The following GRM4 variants were observed in gnomAD, a reference collection of about 807,000 sequenced individuals.
GRM4 encodes metabotropic glutamate receptor 4.
Under a neutral mutation model 81.7 loss-of-function variants are expected in GRM4, and 28 were observed. That is an observed-to-expected ratio of 0.34 (90% CI 0.25 to 0.47). GRM4 has a LOEUF of 0.47. Among genes scored for constraint, GRM4 ranks in the 20% least tolerant of loss-of-function variants. The pLI is 1.00. For synonymous variants in GRM4, 488 were observed against 528.8 expected, an observed-to-expected ratio of 0.92 and a Z score of 1.06; for missense variants, 948 against 1,290.0, an observed-to-expected ratio of 0.73 and a Z score of 4.06.
chr6:34,028,113 C>A lies in GRM4; in HGVS notation c.2689+7G>T. On this transcript the variant is annotated splice_region_variant and intron_variant, in intron 10 of 10. Coordinates refer to ENST00000538487, the MANE Select transcript of GRM4 (RefSeq NM_000841.4). ...CCCGAGAGGGCAGAACGGGGCCAGG[C>A]ACTCACCTGGGGCCTCAAGGTTCTC... 1 of 1,608,438 alleles carries A rather than the reference C, an allele frequency of 6.2e-7. No homozygotes were observed. The highest frequency in any genetic ancestry group is 8.5e-7 in the Non-Finnish European group (1 of 1,176,672).
Position 34,090,908 on chromosome 6 carries a change from G to A in GRM4, c.736+975C>T, listed in dbSNP as rs1296816215. ...GAGAGACCAGGGGCAGGGCAGACGG[G>A]CCCTCTCTGCAGGAGGTGGGTCTGC... On this transcript the variant is annotated intron_variant, in intron 3 of 10. Transcript: ENST00000538487. This position sits in a 1 kb window ranked among gnomAD's most constrained non-coding sequence, Gnocchi z 5.2. Among the ~76,000 whole-genome samples, 1 of 152,118 alleles carries A rather than the reference G, an allele frequency of 6.6e-6. No individual in the cohort carries two copies. Among genetic ancestry groups the A allele is most frequent in the African/African-American group, 2.4e-5 (1 of 41,404 alleles).
chr6:34,076,883 T>TG (rs993137005), intron 3 of GRM4, among the ~76,000 whole-genome samples: 2 of 149,818 alleles, frequency 1.3e-5, no homozygotes, highest in African/African-American at 5.0e-5. Flanking sequence ...ATGGGGGACA[T>TG]GGGGGGTGGA....
intron 1 of GRM4, among the ~76,000 whole-genome samples, chr6:34,135,949 A>G (rs891310096): frequency 1.3e-5 from 2 of 152,218 alleles, no homozygotes; most frequent in Non-Finnish European, 2.9e-5. Flanking sequence ...AGTTGTTGCA[A>G]TGATGGAGGA....
chr6:34,086,711 G>T (rs1767907143), intron 3 of GRM4, among the ~76,000 whole-genome samples: 1 of 152,224 alleles, frequency 6.6e-6, no homozygotes, highest in South Asian at 2.1e-4. Context: ...TCCTGCCCCT[G>T]CCACTTCCTA....
intron 2 of GRM4, among the ~76,000 whole-genome samples, chr6:34,132,642 A>G (rs910318704): frequency 3.3e-5 from 5 of 152,084 alleles, no homozygotes; most frequent in African/African-American, 1.2e-4. Context: ...TCTCCAGAAC[A>G]TCCTTTTCCT....
chr6:34,063,830 C>T (rs1296255495), intron 3 of GRM4, among the ~76,000 whole-genome samples: 1 of 152,158 alleles, frequency 6.6e-6, no homozygotes, highest in African/African-American at 2.4e-5. Flanking sequence ...CGACATTCCT[C>T]CCCCCATCTG....
intron 1 of GRM4, among the ~76,000 whole-genome samples, chr6:34,142,996 G>A (rs1770756861): frequency 6.6e-6 from 1 of 152,200 alleles, no homozygotes; most frequent in Admixed American, 6.5e-5. Context: ...AAGAATCCAT[G>A]AGTAGGGTAG....
At position 34,092,129 on chromosome 6, in the gene GRM4, G is replaced by A. The variant is rs762958779; in HGVS notation, c.520-30C>T. ...GGGGCGAGAGGGGCTGCTGAGGGTG[G>A]CGACTGGCTCCCCACCCTGCCTAGC... On this transcript the variant is annotated intron_variant, in intron 2 of 10. Coordinates refer to ENST00000538487, the MANE Select transcript of GRM4 (RefSeq NM_000841.4). The surrounding 1 kb of genome is among the most constrained non-coding windows in gnomAD (Gnocchi z 6.8). The A allele has an allele frequency of 4.0e-6, 6 of 1,489,300 alleles. No individual in the cohort carries two copies. The Admixed American group carries it at 1.0e-4, about 26-fold the overall frequency. The allele number at this position is 1,489,300 out of a possible 1,614,324, so 92.3% of individuals were successfully genotyped here.
At chr6:34,151,445 C>A (rs930859392) in intron 1 of GRM4, among the ~76,000 whole-genome samples, 8 of 152,176 alleles carry the variant, frequency 5.3e-5, no homozygotes, top group Non-Finnish European at 1.2e-4. Context: ...CAGCCGTGAG[C>A]CAAATGTCAT....
chr6:34,116,366 G>A (rs1175451019), intron 2 of GRM4, among the ~76,000 whole-genome samples: 1 of 152,106 alleles, frequency 6.6e-6, no homozygotes, highest in African/African-American at 2.4e-5. Flanking sequence ...CACACACCAG[G>A]CACATAAATC....
chr6:34,098,427 G>C (rs1768653939), intron 2 of GRM4, among the ~76,000 whole-genome samples: 1 of 152,146 alleles, frequency 6.6e-6, no homozygotes, highest in Admixed American at 6.5e-5. Context: ...TGCTCTTTCT[G>C]TTCCACCCAT....
chr6:34,072,615 CACAT>C (rs1349399007), intron 3 of GRM4, among the ~76,000 whole-genome samples: 22 of 4,516 alleles, frequency 4.9e-3, no homozygotes, highest in East Asian at 0.021. Context: ...CACACACACA[CACAT>C]CACCGCATAG....
rs1362261948 is a variant in GRM4 at position 34,036,282 on chromosome 6, C to G, written c.1828G>C (p.Val610Leu). The stretch of plus-strand genomic sequence containing the variant: ...ACGATGGGCGTGTCGTTGTAGCGCA[C>G]AAAGGTGATCACCACGAACAACGTG... The part of the protein sequence containing the change: ...AATLFVVITF[V>L]RYNDTPIVKA... Residue 610 changes from valine (V) to leucine (L), a missense_variant, in exon 9 of 11, where the codon GTG (valine) becomes CTG (leucine). Val to Leu is a conservative substitution (Grantham distance 32). Coordinates refer to ENST00000538487, the MANE Select transcript of GRM4 (RefSeq NM_000841.4). The surrounding 1 kb of genome is among the most constrained non-coding windows in gnomAD (Gnocchi z 9.0). 1 of 1,614,162 alleles carries G rather than the reference C, an allele frequency of 6.2e-7. No homozygotes were observed. Among genetic ancestry groups the G allele is most frequent in the African/African-American group, 1.3e-5 (1 of 75,048 alleles).
intron 3 of GRM4, among the ~76,000 whole-genome samples, chr6:34,087,627 T>G (rs1767968431): frequency 6.6e-6 from 1 of 151,238 alleles, no homozygotes; most frequent in Admixed American, 6.6e-5. Context: ...TGGTGCAGCC[T>G]CAGCCTTGAC....
Position 34,022,616 on chromosome 6 carries a change from C to T in GRM4, c.*205G>A, listed in dbSNP as rs185477653. The stretch of plus-strand genomic sequence containing the variant: ...GTTCTTGTGGTAGCCTGGCACCGCC[C>T]CGGCCCCTCGTCCTCCTGTTGCTCA... On this transcript the variant is annotated 3_prime_UTR_variant, in exon 11 of 11. Transcript: ENST00000538487. The surrounding 1 kb of genome is among the most constrained non-coding windows in gnomAD (Gnocchi z 5.6). The T allele has an allele frequency of 1.8e-3, 1,078 of 598,562 alleles. 6 individuals carry two copies. Among genetic ancestry groups the T allele is most frequent in the African/African-American group, 0.016 (887 of 54,044 alleles). The allele number at this position is 598,562 out of a possible 1,614,324, so 37.1% of individuals were successfully genotyped here.
intron 6 of GRM4, among the ~76,000 whole-genome samples, chr6:34,044,513 C>G (rs1446675907): frequency 3.3e-5 from 5 of 151,004 alleles, no homozygotes; most frequent in African/African-American, 7.3e-5. Context: ...CATACACACA[C>G]AGACATACAT....
At chr6:34,105,648 A>C in intron 2 of GRM4, among the ~76,000 whole-genome samples, 1 of 151,892 alleles carries the variant, frequency 6.6e-6, no homozygotes, top group African/African-American at 2.4e-5. Flanking sequence ...TCAGGGGTTC[A>C]CCAGATCTCA....
At position 34,130,951 on chromosome 6, in the gene GRM4, C is replaced by T. The variant is rs1402225432; in HGVS notation, c.519+2027G>A. Among the ~76,000 whole-genome samples, 1 of 152,250 alleles carries T rather than the reference C, an allele frequency of 6.6e-6. No individual in the cohort carries two copies. Among genetic ancestry groups the T allele is most frequent in the Non-Finnish European group, 1.5e-5 (1 of 68,044 alleles). On this transcript the variant is annotated intron_variant, in intron 2 of 10. Transcript: ENST00000538487. This position sits in a 1 kb window ranked among gnomAD's most constrained non-coding sequence, Gnocchi z 4.1. Reference sequence around the variant, plus strand: ...GGCTGGGGATCTGTGCCCCACCCTGCCAGGCTGACAAGGAGGAGTCCAAGG... The same window carrying T: ...GGCTGGGGATCTGTGCCCCACCCTGTCAGGCTGACAAGGAGGAGTCCAAGG...
exon 1 of GRM4, chr6:34,155,172 G>A: frequency 1.3e-6 from 2 of 1,535,344 alleles, no homozygotes; most frequent in Non-Finnish European, 1.7e-6. Context: ...ATTCGTGCGC[G>A]GCCAGGCTCA....
Sources: allele counts gnomAD v4.1 joint callset (sites outside exome capture counted in the v4.1 genomes callset), GRCh38; gene constraint gnomAD v4.1.1; non-coding constraint Gnocchi (gnomAD v3.1); transcripts MANE v1.5; gene names NCBI Gene and HGNC (gene_info 2026-07-23, HGNC 2026-07-21).